The following MAGI3 variants were observed in gnomAD, a reference collection of about 807,000 sequenced individuals.
MAGI3 encodes membrane-associated guanylate kinase, WW and PDZ domain-containing protein 3.
In MAGI3, 43 loss-of-function variants were observed where a neutral mutation model predicts 121.8. The observed-to-expected ratio is 0.35, with a 90% CI of 0.28 to 0.46. The LOEUF (loss-of-function observed/expected upper bound fraction) is 0.46, where lower values mean the gene tolerates loss of function less well. Among genes scored for constraint, MAGI3 ranks in the 20% least tolerant of loss-of-function variants. The pLI is 1.00. For synonymous variants in MAGI3, 553 were observed against 639.3 expected (o/e 0.86, Z 2.04); for missense variants, 1,547 against 1,797.3 (o/e 0.86, Z 2.52).
intron 9 of MAGI3, among the ~76,000 whole-genome samples, chr1:113,635,560 A>G (rs1248789863): frequency 6.6e-6 from 1 of 152,130 alleles, no homozygotes; most frequent in Non-Finnish European, 1.5e-5. Flanking sequence ...CCAGTCTTGC[A>G]TCCCAGGGAT....
chr1:113,487,967 C>T (rs1176183228), intron 1 of MAGI3, among the ~76,000 whole-genome samples: 1 of 152,026 alleles, frequency 6.6e-6, no homozygotes. Flanking sequence ...TAGGAACAAG[C>T]AACTGTAGAA....
intron 16 of MAGI3, among the ~76,000 whole-genome samples, chr1:113,669,945 C>G (rs961060381): frequency 1.4e-5 from 2 of 144,042 alleles, no homozygotes; most frequent in Non-Finnish European, 3.0e-5. Context: ...GTTAAAGTTA[C>G]TCAAGAAAAA....
At chr1:113,674,605 A>G (rs1289408052) in intron 19 of MAGI3, among the ~76,000 whole-genome samples, 6 of 152,102 alleles carry the variant, frequency 3.9e-5, no homozygotes, top group Non-Finnish European at 7.4e-5. Flanking sequence ...AAGTAATTCA[A>G]TTAGAAAGGC....
At chr1:113,456,078 G>A (rs1007176424) in intron 1 of MAGI3, among the ~76,000 whole-genome samples, 2 of 149,340 alleles carry the variant, frequency 1.3e-5, no homozygotes, top group African/African-American at 2.5e-5. Flanking sequence ...AGCCTCCCGA[G>A]TAGCTGGGAC....
intron 2 of MAGI3, among the ~76,000 whole-genome samples, chr1:113,576,513 A>G (rs1190246650): frequency 6.6e-6 from 1 of 151,978 alleles, no homozygotes; most frequent in Non-Finnish European, 1.5e-5. Flanking sequence ...TCCCAACGAG[A>G]TTATCTGGGT....
chr1:113,617,782 C>T (rs963733722), intron 7 of MAGI3, among the ~76,000 whole-genome samples: 1 of 152,080 alleles, frequency 6.6e-6, no homozygotes, highest in African/African-American at 2.4e-5. Context: ...ATATCAGTAC[C>T]TAAATAAATT....
At chr1:113,637,635 C>T (rs1174674932) in intron 9 of MAGI3, among the ~76,000 whole-genome samples, 1 of 152,088 alleles carries the variant, frequency 6.6e-6, no homozygotes, top group African/African-American at 2.4e-5. Context: ...GTGGGTAACC[C>T]GACCTTTCTC....
chr1:113,542,120 T>A (rs1659315750), intron 1 of MAGI3, among the ~76,000 whole-genome samples: 1 of 152,014 alleles, frequency 6.6e-6, no homozygotes, highest in Non-Finnish European at 1.5e-5. Flanking sequence ...CCCCCCTCCT[T>A]ATTCTTGGGG....
intron 6 of MAGI3, among the ~76,000 whole-genome samples, chr1:113,608,030 C>T (rs959636165): frequency 1.3e-5 from 2 of 152,108 alleles, no homozygotes; most frequent in Admixed American, 6.6e-5. Context: ...TTCTTTGTAG[C>T]CCCTTCTGTC....
chr1:113,673,849 T>G (rs1198238986), intron 19 of MAGI3, among the ~76,000 whole-genome samples: 2 of 152,148 alleles, frequency 1.3e-5, no homozygotes, highest in Non-Finnish European at 2.9e-5. Flanking sequence ...CAGGAGGCAA[T>G]AGGCCCAGGA....
intron 4 of MAGI3, among the ~76,000 whole-genome samples, chr1:113,586,115 G>A (rs756552710): frequency 6.8e-4 from 104 of 152,156 alleles, no homozygotes; most frequent in Admixed American, 2.5e-3. Context: ...AAATTCAGTG[G>A]TGAAGAATCT....
intron 1 of MAGI3, among the ~76,000 whole-genome samples, chr1:113,395,313 C>T (rs1438206161): frequency 1.3e-5 from 2 of 151,178 alleles, no homozygotes; most frequent in Admixed American, 1.3e-4. Context: ...AAGCCAAGCC[C>T]CTTTGCTAGG....
intron 1 of MAGI3, among the ~76,000 whole-genome samples, chr1:113,478,121 C>T (rs552794535): frequency 3.2e-4 from 49 of 152,248 alleles, no homozygotes; most frequent in African/African-American, 1.1e-3. Flanking sequence ...TCTAGTTAGC[C>T]ATTCATCTAA....
intron 7 of MAGI3, among the ~76,000 whole-genome samples, chr1:113,616,660 A>C (rs1650488587): frequency 6.6e-6 from 1 of 152,240 alleles, no homozygotes; most frequent in African/African-American, 2.4e-5. Flanking sequence ...ATAAATATAA[A>C]TATGCATAAG....
At chr1:113,640,063 G>T (rs1226194994) in intron 9 of MAGI3, among the ~76,000 whole-genome samples, 1 of 152,100 alleles carries the variant, frequency 6.6e-6, no homozygotes, top group African/African-American at 2.4e-5. Context: ...TCAAAAAGTG[G>T]ACAAAGGATA....
intron 1 of MAGI3, among the ~76,000 whole-genome samples, chr1:113,489,057 C>CA (rs1656543596): frequency 6.6e-6 from 1 of 152,204 alleles, no homozygotes; most frequent in African/African-American, 2.4e-5. Flanking sequence ...GCTGCTACCA[C>CA]TGCTGCTGGC....
chr1:113,505,703 G>T (rs1489895178), intron 1 of MAGI3, among the ~76,000 whole-genome samples: 2 of 152,100 alleles, frequency 1.3e-5, no homozygotes, highest in Non-Finnish European at 2.9e-5. Context: ...AGGTGAATTT[G>T]ACAAAAGAGC....
At position 113,683,174 on chromosome 1, in the gene MAGI3, C is replaced by G. The variant is rs571333192; in HGVS notation, c.3606C>G (p.His1202Gln). ...SKRDPPSSHG[H>Q]SNKKNLLKVE... is the part of the protein sequence containing the mutation. ...GGGATCCACCCAGCAGTCATGGGCACAGTAACAAGAAAAATCTATTAAAAG... is the reference window on the plus strand; with the variant it reads ...GGGATCCACCCAGCAGTCATGGGCAGAGTAACAAGAAAAATCTATTAAAAG... The change falls in exon 21 of 21, where the codon CAC (histidine) becomes CAG (glutamine). Residue 1202 changes from histidine to glutamine, a missense_variant. Coordinates refer to ENST00000307546, the MANE Select transcript of MAGI3 (RefSeq NM_001142782.2). 1.5e-5 allele frequency: 25 copies of G among 1,613,872 alleles called. No individual in the cohort carries two copies. In the East Asian group the frequency reaches 5.1e-4, roughly 33 times the overall value.
In MAGI3 at chr1:113,411,928, G is replaced by A. The variant is rs1557741079; in HGVS notation, c.316+20579G>A. 3.3e-5 allele frequency among the ~76,000 whole-genome samples: 5 copies of A among 151,954 alleles called. No individual in the cohort carries two copies. The South Asian group carries it at 1.0e-3, about 32-fold the overall frequency. On this transcript the variant is annotated intron_variant, in intron 1 of 20. Coordinates refer to ENST00000307546, the MANE Select transcript of MAGI3 (RefSeq NM_001142782.2). ...CTGGGGTGCATGTGCACAATGTGCAGGTTTGATATATAGGTATAAATGTGC... is the reference window on the plus strand; with the variant it reads ...CTGGGGTGCATGTGCACAATGTGCAAGTTTGATATATAGGTATAAATGTGC...
Sources: gnomAD v4.1 joint callset for allele counts (sites outside exome capture counted in the v4.1 genomes callset) on GRCh38, gnomAD v4.1.1 for gene constraint, MANE v1.5 for transcripts, NCBI Gene and HGNC (gene_info 2026-07-23, HGNC 2026-07-21) for gene names.